Variants in SAMD12 observed in about 807,000 individuals in gnomAD.
The protein encoded by SAMD12 is sterile alpha motif domain containing 12, also known as sterile alpha motif domain-containing protein 12.
Under a neutral mutation model 15.0 loss-of-function variants are expected in SAMD12, and 9 were observed. That is an observed-to-expected ratio of 0.60 (90% CI 0.36 to 1.05). SAMD12 has a LOEUF of 1.05. SAMD12 is among the 50% of genes least tolerant of loss of function. The probability of loss-of-function intolerance (pLI) is 0.01; values close to 1 mark genes in which losing one functional copy is unlikely to be tolerated. For missense variants in SAMD12, 230 were observed against 234.2 expected (o/e 0.98, Z 0.12); for synonymous variants, 86 against 90.1 (o/e 0.96, Z 0.25).
At chr8:118,452,552 C>T (rs1490341066) in intron 2 of SAMD12, among the ~76,000 whole-genome samples, 1 of 152,102 alleles carries the variant, frequency 6.6e-6, no homozygotes, top group Non-Finnish European at 1.5e-5. Flanking sequence ...AATCCATGTC[C>T]ATGCATGTAT....
At chr8:118,447,705 TA>T (rs1159579323) in intron 2 of SAMD12, among the ~76,000 whole-genome samples, 3,410 of 20,456 alleles carry the variant, frequency 0.17, 115 homozygotes, top group African/African-American at 0.41. Context: ...TTATTTTTAA[TA>T]TTTATTTATT....
At chr8:118,137,340 C>T in the SAMD12 span, among the ~76,000 whole-genome samples, 7 of 152,094 alleles carry the variant, frequency 4.6e-5, no homozygotes, top group Admixed American at 2.6e-4. Context: ...CCCATGTAAA[C>T]GTCTGATTTG....
At chr8:118,135,946 T>G in the SAMD12 span, among the ~76,000 whole-genome samples, 1 of 152,206 alleles carries the variant, frequency 6.6e-6, no homozygotes, top group African/African-American at 2.4e-5. Context: ...TCATCCTTCC[T>G]TCCTTCCCAC....
chr8:118,358,237 C>A (rs1157113778), intron 4 of SAMD12, among the ~76,000 whole-genome samples: 1 of 152,164 alleles, frequency 6.6e-6, no homozygotes, highest in South Asian at 2.1e-4. Context: ...TATACTTCAT[C>A]CGGCCAGACC....
At chr8:118,371,984 G>A (rs1293801147) in intron 4 of SAMD12, among the ~76,000 whole-genome samples, 4 of 152,112 alleles carry the variant, frequency 2.6e-5, no homozygotes, top group Non-Finnish European at 4.4e-5. Context: ...AAAAGCTCAT[G>A]CTATCCAATG....
chr8:118,336,258 G>T (rs1281105015), intron 4 of SAMD12, among the ~76,000 whole-genome samples: 2 of 152,176 alleles, frequency 1.3e-5, no homozygotes, highest in Non-Finnish European at 2.9e-5. Flanking sequence ...GTCAGAGACG[G>T]CTAAATATGA....
At position 118,340,175 on chromosome 8, in the gene SAMD12, G is replaced by A. The variant is rs143154650; in HGVS notation, c.433+39385C>T. ...TTGCCATGGAATAAATTTCTAGAAC[G>A]TTAAAAGATACACAAATATACACCC... On this transcript the variant is annotated intron_variant, in intron 4 of 4. Coordinates refer to the SAMD12 transcript ENST00000409003. Among the ~76,000 whole-genome samples the A allele has an allele frequency of 6.0e-4, 91 of 152,254 alleles. 1 individual carries two copies. Among genetic ancestry groups the A allele is most frequent in the Middle Eastern group, 3.4e-3 (1 of 294 alleles).
intron 4 of SAMD12, among the ~76,000 whole-genome samples, chr8:118,346,894 T>G (rs1203185946): frequency 6.6e-6 from 1 of 152,162 alleles, no homozygotes; most frequent in Non-Finnish European, 1.5e-5. Context: ...CATCAGAGAC[T>G]CAGTGGCCAA....
At chr8:118,455,482 A>AT (rs1823219032) in intron 2 of SAMD12, among the ~76,000 whole-genome samples, 1 of 152,098 alleles carries the variant, frequency 6.6e-6, no homozygotes, top group Non-Finnish European at 1.5e-5. Context: ...CCTAAATGGT[A>AT]TGCTTTGGGG....
At chr8:118,261,519 C>T (rs1813077083) in intron 4 of SAMD12, among the ~76,000 whole-genome samples, 2 of 152,104 alleles carry the variant, frequency 1.3e-5, no homozygotes, top group South Asian at 4.1e-4. Flanking sequence ...GATCGTCAGA[C>T]TCAAAGACCA....
intron 1 of SAMD12, among the ~76,000 whole-genome samples, chr8:118,610,556 T>C (rs746015139): frequency 6.6e-6 from 1 of 152,222 alleles, no homozygotes; most frequent in Non-Finnish European, 1.5e-5. Flanking sequence ...TAGAGCTCAC[T>C]GCATTACGAA....
intron 4 of SAMD12, among the ~76,000 whole-genome samples, chr8:118,352,001 G>T (rs1817986033): frequency 6.6e-6 from 1 of 152,192 alleles, no homozygotes; most frequent in Non-Finnish European, 1.5e-5. Context: ...TTTTGCTGAA[G>T]CCACCTTGAG....
At chr8:118,286,117 T>C (rs1444413730) in intron 4 of SAMD12, among the ~76,000 whole-genome samples, 1 of 131,200 alleles carries the variant, frequency 7.6e-6, no homozygotes, top group East Asian at 2.3e-4. Context: ...AATTGAACAA[T>C]GAGAACACTT....
intron 3 of SAMD12, among the ~76,000 whole-genome samples, chr8:118,419,511 TAG>T (rs1014548166): frequency 1.1e-4 from 17 of 152,226 alleles, no homozygotes; most frequent in African/African-American, 7.2e-5. Context: ...GGAAATTGTT[TAG>T]AGACACTAAG....
At chr8:118,368,923 C>T (rs1377741673) in intron 4 of SAMD12, among the ~76,000 whole-genome samples, 5 of 152,150 alleles carry the variant, frequency 3.3e-5, no homozygotes, top group Non-Finnish European at 7.4e-5. Flanking sequence ...ATTTTTATCC[C>T]TTAAAAACTA....
chr8:118,606,669 A>T (rs954988249), intron 1 of SAMD12, among the ~76,000 whole-genome samples: 1 of 152,194 alleles, frequency 6.6e-6, no homozygotes, highest in Non-Finnish European at 1.5e-5. Flanking sequence ...AGTGGTACTT[A>T]GCAAGCAATA....
chr8:118,442,012 G>A (rs551972026), intron 2 of SAMD12, among the ~76,000 whole-genome samples: 1 of 152,258 alleles, frequency 6.6e-6, no homozygotes, highest in East Asian at 1.9e-4. Context: ...CCAGCCACCA[G>A]CCTTCAAATC....
At chr8:118,341,586 G>A (rs766350651) in intron 4 of SAMD12, among the ~76,000 whole-genome samples, 7 of 152,276 alleles carry the variant, frequency 4.6e-5, no homozygotes, top group East Asian at 1.9e-4. Context: ...GGATGCCAGC[G>A]TGGTCAGTTT....
the SAMD12 span, among the ~76,000 whole-genome samples, chr8:118,138,918 A>G: frequency 4.6e-5 from 7 of 152,190 alleles, no homozygotes; most frequent in African/African-American, 7.2e-5. Flanking sequence ...GCCAATACCG[A>G]CACTAAGGAG....
Sources: gnomAD v4.1 joint callset for allele counts (sites outside exome capture counted in the v4.1 genomes callset) on GRCh38, gnomAD v4.1.1 for gene constraint, MANE v1.5 for transcripts, NCBI Gene and HGNC (gene_info 2026-07-23, HGNC 2026-07-21) for gene names.